CEP70: variants seen among roughly 807,000 people sequenced by gnomAD.
CEP70 encodes centrosomal protein 70, also known as centrosomal protein of 70 kDa.
A neutral mutation model predicts 90.9 loss-of-function variants in CEP70; 70 were observed. That is an observed-to-expected ratio of 0.77 (90% confidence interval 0.64 to 0.94). The LOEUF (loss-of-function observed/expected upper bound fraction) is 0.94. Among genes scored for constraint, CEP70 ranks in the 40% least tolerant of loss-of-function variants. The pLI is 0.00. For synonymous variants in CEP70, 220 were observed against 228.3 expected (o/e 0.96, Z 0.33); for missense variants, 648 against 669.0 (o/e 0.97, Z 0.35).
chr3:138,558,184 G>A (rs540103168), intron 6 of CEP70, among the ~76,000 whole-genome samples: 27 of 152,236 alleles, frequency 1.8e-4, no homozygotes, highest in African/African-American at 6.3e-4. Context: ...GGCCAACATG[G>A]TGAAACCCTG....
At chr3:138,500,302 ATCC>A in intron 15 of CEP70, 78 bp from the exon 16 acceptor site, 1 of 1,492,636 alleles carries the variant, frequency 6.7e-7, no homozygotes, top group South Asian at 1.2e-5. Flanking sequence ...TGCTTCAGTT[ATCC>A]TCAATTTTTC....
chr3:138,554,060 G>C (rs919421655), intron 6 of CEP70, among the ~76,000 whole-genome samples: 4 of 151,958 alleles, frequency 2.6e-5, no homozygotes, highest in African/African-American at 9.7e-5. Flanking sequence ...AAATAGCCAG[G>C]CATGGTGGTG....
intron 11 of CEP70, among the ~76,000 whole-genome samples, chr3:138,520,461 A>T (rs1276476449): frequency 6.6e-6 from 1 of 152,152 alleles, no homozygotes; most frequent in Non-Finnish European, 1.5e-5. Flanking sequence ...AATGTAAAAG[A>T]ATAGAAATTA....
At chr3:138,497,217 A>C in intron 17 of CEP70, 1 of 1,231,548 alleles carries the variant, frequency 8.1e-7, no homozygotes, top group South Asian at 1.5e-5. Context: ...AGTAGGCTAT[A>C]TATTCTAATT....
chr3:138,526,332 TG>T (rs1238910056), intron 10 of CEP70, among the ~76,000 whole-genome samples: 3 of 150,878 alleles, frequency 2.0e-5, no homozygotes. Flanking sequence ...GGCTGATTTT[TG>T]TATTTTTTTT....
chr3:138,564,116 T>C (rs1202590598), intron 6 of CEP70, among the ~76,000 whole-genome samples: 1 of 152,206 alleles, frequency 6.6e-6, no homozygotes, highest in Non-Finnish European at 1.5e-5. Flanking sequence ...GATAAATTCC[T>C]GGACACATAC....
At chr3:138,591,739 T>C in intron 2 of CEP70, 115 bp downstream of exon 2, 1 of 862,578 alleles carries the variant, frequency 1.2e-6, no homozygotes, top group Non-Finnish European at 1.8e-6. Context: ...CCTGATAGGA[T>C]TATCAGGAAG....
chr3:138,573,539 T>C (rs991619068), intron 2 of CEP70, among the ~76,000 whole-genome samples: 12 of 152,180 alleles, frequency 7.9e-5, no homozygotes, highest in African/African-American at 2.4e-4. Flanking sequence ...TTCAAACACA[T>C]GACACAAAAT....
chr3:138,543,839 T>C lies in CEP70; in HGVS notation c.466-6492A>G, dbSNP rs150156218. On this transcript the variant is annotated intron_variant, in intron 6 of 17. Transcript: ENST00000264982. ...AAAAACAAAAACAAAAAGCTCCCCCTCAAAATAACTACAGCAACTTGTTAA... is the reference window on the plus strand; with the variant it reads ...AAAAACAAAAACAAAAAGCTCCCCCCCAAAATAACTACAGCAACTTGTTAA... Among the ~76,000 whole-genome samples the C allele has an allele frequency of 5.6e-3, 856 of 152,172 alleles. 7 individuals carry two copies. The highest frequency in any genetic ancestry group is 0.02 in the African/African-American group (824 of 41,510).
chr3:138,588,502 T>C (rs1425205125), intron 2 of CEP70, among the ~76,000 whole-genome samples: 1 of 152,212 alleles, frequency 6.6e-6, no homozygotes, highest in Non-Finnish European at 1.5e-5. Context: ...TGCTAAACAT[T>C]GTTAGTCAGG....
chr3:138,570,024 G>A (rs890535609), intron 6 of CEP70, among the ~76,000 whole-genome samples: 2 of 152,086 alleles, frequency 1.3e-5, no homozygotes, highest in Admixed American at 6.6e-5. Flanking sequence ...ATCACCAAGG[G>A]CATCAGAGTA....
chr3:138,549,709 C>T (rs773445), intron 6 of CEP70, among the ~76,000 whole-genome samples: 61,856 of 151,768 alleles, frequency 0.41, 13,125 homozygotes, highest in Non-Finnish European at 0.45. Flanking sequence ...TATACTACCA[C>T]AGCTGATGCA....
intron 11 of CEP70, among the ~76,000 whole-genome samples, chr3:138,524,474 C>T (rs2037004009): frequency 1.3e-5 from 2 of 152,060 alleles, no homozygotes; most frequent in South Asian, 2.1e-4. Context: ...AGTGAACAGG[C>T]GACCTACAGA....
chr3:138,570,423 T>C lies in CEP70; in HGVS notation c.360A>G (p.Glu120=), dbSNP rs149277727. The C allele has an allele frequency of 5.0e-6, 8 of 1,610,260 alleles. No homozygotes were observed. In the African/African-American group the frequency reaches 1.1e-4, roughly 22 times the overall value. The change falls in exon 6 of 18, where the codon GAA becomes GAG. Residue 120 remains glutamate, a synonymous_variant. Transcript: ENST00000264982. ...ATTCACCAATTTTGGATTTCACACTTTCCATAATTTGTTCCAAGTCATTAG... is the reference window on the plus strand; with the variant it reads ...ATTCACCAATTTTGGATTTCACACTCTCCATAATTTGTTCCAAGTCATTAG... The part of the protein sequence containing the change: ...QRANDLEQIM[E]SVKSKIGELE...
rs539648620 is a variant in CEP70 at position 138,501,296 on chromosome 3, C to G, written c.1222-415G>C. Among the ~76,000 whole-genome samples the G allele has an allele frequency of 9.5e-4, 145 of 152,156 alleles. 6 individuals carry two copies. In the South Asian group the frequency reaches 0.03, roughly 31 times the overall value. On this transcript the variant is annotated intron_variant, in intron 13 of 17. Transcript: ENST00000264982. ...ATAACAGCTTTATTGAGATGTAATT[C>G]ATATACCATAAAATTTACCCTAAGT... is the stretch of plus-strand genomic sequence containing the variant.
chr3:138,522,494 A>G (rs2036768646), intron 11 of CEP70, among the ~76,000 whole-genome samples: 1 of 152,106 alleles, frequency 6.6e-6, no homozygotes. Flanking sequence ...AATAAAGAAG[A>G]AAAGAGAGAA....
Position 138,508,453 on chromosome 3 carries a change from G to C in CEP70, c.1036C>G (p.Gln346Glu). The change falls in exon 12 of 18, where the codon CAG becomes GAG. Residue 346 changes from glutamine (Q) to glutamate (E), a missense_variant. Physicochemically the swap from Gln to Glu is conservative, Grantham distance 29. Transcript: ENST00000264982. ...CAATTCAATACCTGAAAGTATCTCTGGTCAATTAGGGCCTGTTGCTGATTA... is the reference window on the plus strand; with the variant it reads ...CAATTCAATACCTGAAAGTATCTCTCGTCAATTAGGGCCTGTTGCTGATTA... ...KYNQQQALIDQRYFQVLCSIN... is the reference protein window; with the variant it reads ...KYNQQQALIDERYFQVLCSIN... 1 of 1,603,270 alleles carries C rather than the reference G, an allele frequency of 6.2e-7. No individual in the cohort carries two copies. The highest frequency in any genetic ancestry group is 1.7e-4 in the Middle Eastern group (1 of 6,040).
intron 11 of CEP70, among the ~76,000 whole-genome samples, chr3:138,513,589 A>G (rs1211197187): frequency 6.6e-6 from 1 of 152,294 alleles, no homozygotes; most frequent in South Asian, 2.1e-4. Context: ...GAAAAATGCA[A>G]CACTGAAGAG....
intron 1 of CEP70, among the ~76,000 whole-genome samples, chr3:138,593,498 C>CA (rs1161141378): frequency 6.6e-6 from 1 of 152,224 alleles, no homozygotes; most frequent in Non-Finnish European, 1.5e-5. Context: ...GCTGAGATTA[C>CA]AGGCGTAAGC....
Sources: gnomAD v4.1 joint callset for allele counts (sites outside exome capture counted in the v4.1 genomes callset) on GRCh38, gnomAD v4.1.1 for gene constraint, MANE v1.5 for transcripts, NCBI Gene and HGNC (gene_info 2026-07-23, HGNC 2026-07-21) for gene names.